The following CDK14 variants were observed in gnomAD, a reference collection of about 807,000 sequenced individuals.
CDK14 encodes the protein cyclin-dependent kinase 14.
A neutral mutation model predicts 60.7 loss-of-function variants in CDK14; 34 were observed. That is an observed-to-expected ratio of 0.56 (90% CI 0.43 to 0.75). The LOEUF (loss-of-function observed/expected upper bound fraction) is 0.75, where lower values mean the gene tolerates loss of function less well. Among genes scored for constraint, CDK14 ranks in the 30% least tolerant of loss-of-function variants. The pLI, the probability that CDK14 is intolerant of heterozygous loss-of-function variation, is 0.00. For synonymous variants in CDK14, 197 were observed against 203.7 expected (o/e 0.97, Z 0.28); for missense variants, 482 against 564.1 (o/e 0.85, Z 1.47).
intron 8 of CDK14, among the ~76,000 whole-genome samples, chr7:90,931,931 G>GT (rs201758678): frequency 2.3e-4 from 34 of 150,856 alleles, no homozygotes; most frequent in African/African-American, 7.3e-4. Context: ...ACATGAATAC[G>GT]TTTTTTTTTC....
intron 10 of CDK14, among the ~76,000 whole-genome samples, chr7:91,010,875 TTC>T (rs1304887587): frequency 7.5e-6 from 1 of 133,444 alleles, no homozygotes; most frequent in East Asian, 2.6e-4. Flanking sequence ...CTCTCTCTCT[TTC>T]TTTTTTTTTT....
intron 14 of CDK14, among the ~76,000 whole-genome samples, chr7:91,135,783 A>G (rs1800261934): frequency 6.6e-6 from 1 of 152,184 alleles, no homozygotes; most frequent in Non-Finnish European, 1.5e-5. Flanking sequence ...TTGCCAGCAC[A>G]AAAGAAGGGA....
chr7:90,620,899 T>G (rs770833371), intron 2 of CDK14, among the ~76,000 whole-genome samples: 1 of 152,176 alleles, frequency 6.6e-6, no homozygotes, highest in Non-Finnish European at 1.5e-5. Context: ...TTCCTCCTTT[T>G]GTTGCCCCAC....
intron 6 of CDK14, among the ~76,000 whole-genome samples, chr7:90,895,727 ATTTT>A (rs35655255): frequency 9.5e-6 from 1 of 105,030 alleles, no homozygotes; most frequent in Admixed American, 1.1e-4. Context: ...CACTTGGCTA[ATTTT>A]TTTTTTTTTT....
At chr7:90,954,551 A>G (rs751248987) in intron 8 of CDK14, among the ~76,000 whole-genome samples, 1 of 151,964 alleles carries the variant, frequency 6.6e-6, no homozygotes, top group Non-Finnish European at 1.5e-5. Context: ...CTAAAAAATA[A>G]AGATAATCCC....
At position 90,753,071 on chromosome 7, in the gene CDK14, G is replaced by A. The variant is rs567335378; in HGVS notation, c.464+5296G>A. On this transcript the variant is annotated intron_variant, in intron 4 of 14. Coordinates refer to ENST00000380050, the MANE Select transcript of CDK14 (RefSeq NM_001287135.2). ...CAAGTTCTACCAGAAGTGCAGAGAA[G>A]AGATGGTATCAATTCTACTGAAACT... Among the ~76,000 whole-genome samples the A allele has an allele frequency of 8.1e-4, 123 of 152,274 alleles. 1 individual carries two copies. The highest frequency in any genetic ancestry group is 1.4e-3 in the Non-Finnish European group (98 of 68,026).
At chr7:91,073,981 A>G (rs977632160) in intron 11 of CDK14, among the ~76,000 whole-genome samples, 1 of 152,244 alleles carries the variant, frequency 6.6e-6, no homozygotes, top group Non-Finnish European at 1.5e-5. Flanking sequence ...TACCCAATAC[A>G]GGAGCACCTA....
intron 8 of CDK14, among the ~76,000 whole-genome samples, chr7:90,940,622 C>CA (rs1171225149): frequency 6.6e-6 from 1 of 151,772 alleles, no homozygotes; most frequent in Non-Finnish European, 1.5e-5. Flanking sequence ...TCTGTCCCTA[C>CA]AAAAAATATA....
intron 2 of CDK14, among the ~76,000 whole-genome samples, chr7:90,684,991 T>G (rs1584792558): frequency 6.7e-6 from 1 of 148,766 alleles, no homozygotes; most frequent in Non-Finnish European, 1.5e-5. Flanking sequence ...TGCATAGATT[T>G]TTTTTTTTTC....
chr7:91,005,233 C>G (rs977314513), intron 10 of CDK14, among the ~76,000 whole-genome samples: 1 of 152,216 alleles, frequency 6.6e-6, no homozygotes, highest in Non-Finnish European at 1.5e-5. Flanking sequence ...GGTGAGCCAG[C>G]AGGGAACTGC....
chr7:90,758,100 G>A lies in CDK14; in HGVS notation c.464+10325G>A, dbSNP rs188760774. On this transcript the variant is annotated intron_variant, in intron 4 of 14. Coordinates refer to ENST00000380050, the MANE Select transcript of CDK14 (RefSeq NM_001287135.2). The stretch of plus-strand genomic sequence containing the variant: ...GTAGTGAGCTTGGCTTCTAACAAAT[G>A]GCTGGTTAACCCTGTTCACATCAAC... Among the ~76,000 whole-genome samples, 429 of 152,296 alleles carry A rather than the reference G, an allele frequency of 2.8e-3. 2 individuals are homozygous for A. The highest frequency in any genetic ancestry group is 0.01 in the African/African-American group (417 of 41,548).
chr7:91,104,070 GT>G (rs77913582), intron 12 of CDK14, among the ~76,000 whole-genome samples: 6 of 151,688 alleles, frequency 4.0e-5, no homozygotes, highest in Admixed American at 2.0e-4. Flanking sequence ...AAATTCCTTA[GT>G]TTTTTTTTAA....
chr7:91,059,893 T>A (rs577769564), intron 11 of CDK14, among the ~76,000 whole-genome samples: 7 of 152,300 alleles, frequency 4.6e-5, no homozygotes, highest in African/African-American at 1.4e-4. Context: ...TGATTTGGGG[T>A]GGAGAGTTCT....
At chr7:90,717,745 G>T (rs920406354) in intron 2 of CDK14, among the ~76,000 whole-genome samples, 1 of 151,980 alleles carries the variant, frequency 6.6e-6, no homozygotes, top group Non-Finnish European at 1.5e-5. Context: ...TTTAGTTAAA[G>T]GGGAAAGCTT....
At chr7:90,682,301 A>G (rs776967382) in intron 2 of CDK14, among the ~76,000 whole-genome samples, 4 of 152,182 alleles carry the variant, frequency 2.6e-5, no homozygotes, top group Non-Finnish European at 4.4e-5. Flanking sequence ...AGCTAAGTAC[A>G]TTTTAAAACT....
intron 8 of CDK14, among the ~76,000 whole-genome samples, chr7:90,922,625 A>C (rs1370525218): frequency 2.0e-5 from 3 of 152,204 alleles, no homozygotes; most frequent in Non-Finnish European, 2.9e-5. Context: ...GTTGATACTT[A>C]AAATTGTCTT....
intron 2 of CDK14, among the ~76,000 whole-genome samples, chr7:90,668,639 T>A (rs1801031848): frequency 6.6e-6 from 1 of 151,690 alleles, no homozygotes; most frequent in South Asian, 2.1e-4. Flanking sequence ...GTTTTAGGTC[T>A]TACATTTAGG....
chr7:91,173,562 G>T (rs1353185373), intron 14 of CDK14, among the ~76,000 whole-genome samples: 1 of 152,314 alleles, frequency 6.6e-6, no homozygotes, highest in South Asian at 2.1e-4. Flanking sequence ...ATCTCACTAG[G>T]GAGTGCCAGA....
chr7:91,008,183 C>T (rs1028617790), intron 10 of CDK14, among the ~76,000 whole-genome samples: 1 of 147,234 alleles, frequency 6.8e-6, no homozygotes, highest in African/African-American at 2.5e-5. Flanking sequence ...AGGCAGCATT[C>T]GTTGCAGTAA....
Sources: allele counts gnomAD v4.1 joint callset (sites outside exome capture counted in the v4.1 genomes callset), GRCh38; gene constraint gnomAD v4.1.1; transcripts MANE v1.5; gene names NCBI Gene and HGNC (gene_info 2026-07-23, HGNC 2026-07-21).